The following SLCO3A1 variants were observed in gnomAD, a reference collection of about 807,000 sequenced individuals.
The protein encoded by SLCO3A1 is solute carrier organic anion transporter family member 3A1.
A neutral mutation model predicts 63.1 loss-of-function variants in SLCO3A1; 27 were observed. That is an observed-to-expected ratio of 0.43 (90% CI 0.32 to 0.59). The LOEUF (loss-of-function observed/expected upper bound fraction) is 0.59, where lower values mean the gene tolerates loss of function less well. Ranked by LOEUF, SLCO3A1 falls within the 20% of genes least tolerant of loss-of-function variation. The pLI, the probability that SLCO3A1 is intolerant of heterozygous loss-of-function variation, is 0.09. For synonymous variants in SLCO3A1, 473 were observed against 409.9 expected, an observed-to-expected ratio of 1.15 and a Z score of -1.86; for missense variants, 773 against 945.8, an observed-to-expected ratio of 0.82 and a Z score of 2.40.
intron 8 of SLCO3A1, among the ~76,000 whole-genome samples, chr15:92,148,544 C>T (rs200069097): frequency 6.9e-6 from 1 of 145,708 alleles, no homozygotes; most frequent in Non-Finnish European, 1.5e-5. Flanking sequence ...TAAAAATTGA[C>T]ACCCAGTGCT....
chr15:92,035,982 C>T (rs2046720841), intron 2 of SLCO3A1, among the ~76,000 whole-genome samples: 1 of 151,562 alleles, frequency 6.6e-6, no homozygotes, highest in African/African-American at 2.4e-5. Flanking sequence ...CCAGATGTGC[C>T]CACGACCTGT....
intron 2 of SLCO3A1, among the ~76,000 whole-genome samples, chr15:91,982,621 T>C (rs74028398): frequency 0.022 from 3,354 of 152,314 alleles, 144 homozygotes; most frequent in African/African-American, 0.076. Flanking sequence ...GCTCCCTCTA[T>C]AGAGTTTCTG....
intron 2 of SLCO3A1, among the ~76,000 whole-genome samples, chr15:92,002,881 G>T (rs1276277743): frequency 6.6e-6 from 1 of 152,140 alleles, no homozygotes. Context: ...GGATCATTTA[G>T]ATTACCATAC....
intron 9 of SLCO3A1, chr15:92,162,110 C>T (rs577050438): frequency 6.9e-6 from 1 of 145,930 alleles, no homozygotes; most frequent in East Asian, 2.1e-4. Flanking sequence ...GGTAAAGTGA[C>T]ACAGTACACA....
In SLCO3A1 at chr15:91,854,392, A is replaced by G. The variant is rs552545628; in HGVS notation, c.180+304A>G. On this transcript the variant is annotated intron_variant, in intron 1 of 9. Transcript: ENST00000318445. This position sits in a 1 kb window ranked among gnomAD's most constrained non-coding sequence, Gnocchi z 6.4. ...GGCGTGAAACTATTCCTCTCCCCCC[A>G]TAAGAGCGGAGCGAGACGGTGAGTT... 28 of 1,048,434 alleles carry G rather than the reference A, an allele frequency of 2.7e-5. No individual in the cohort carries two copies. The highest frequency in any genetic ancestry group is 4.5e-5 in the South Asian group (1 of 21,982). The allele number at this position is 1,048,434 out of a possible 1,614,324, so 64.9% of individuals were successfully genotyped here.
chr15:91,880,166 C>CT (rs1555446413), intron 1 of SLCO3A1, among the ~76,000 whole-genome samples: 5,015 of 131,670 alleles, frequency 0.038, 178 homozygotes, highest in Non-Finnish European at 0.054. Context: ...TCCATCCATC[C>CT]ATCCATCTAT....
At chr15:91,972,716 AC>A (rs1900924939) in intron 2 of SLCO3A1, among the ~76,000 whole-genome samples, 1 of 152,152 alleles carries the variant, frequency 6.6e-6, no homozygotes, top group Non-Finnish European at 1.5e-5. Context: ...CCAGGTCAGG[AC>A]AGAGGCCCAG....
intron 3 of SLCO3A1, among the ~76,000 whole-genome samples, chr15:92,101,906 C>T (rs889779594): frequency 5.3e-5 from 8 of 152,156 alleles, no homozygotes; most frequent in African/African-American, 1.7e-4. Flanking sequence ...CAGACATACA[C>T]ATACCTACAG....
At chr15:92,138,486 A>C (rs1403777633) in intron 7 of SLCO3A1, among the ~76,000 whole-genome samples, 1 of 118,752 alleles carries the variant, frequency 8.4e-6, no homozygotes, top group Non-Finnish European at 1.6e-5. Flanking sequence ...CTGAACTTTA[A>C]AGTAGTTTTT....
rs924421517 is a variant in SLCO3A1, at chr15:92,128,481, A to G, written c.1504A>G (p.Asn502Asp). The change falls in exon 7 of 10, where the codon AAC becomes GAC. Residue 502 changes from asparagine to aspartate, a missense_variant. By Grantham distance (23) the Asn-to-Asp change is conservative (BLOSUM62 1). Around this residue, in one of 3 missense-constraint regions of SLCO3A1, gnomAD observed 565 missense variants for 749.8 expected, o/e 0.75. Transcript: ENST00000318445. ...TYLSACFAGC[N>D]STNLTGCACL... ...CCTGTCTGCCTGCTTTGCTGGCTGC[A>G]ACAGCACGGTAATGGGATGGGGCAG... 2 of 1,613,522 alleles carry G rather than the reference A, an allele frequency of 1.2e-6. No homozygotes were observed. Among genetic ancestry groups the G allele is most frequent in the East Asian group, 4.5e-5 (2 of 44,884 alleles).
chr15:92,090,547 G>A (rs945184266), intron 2 of SLCO3A1, among the ~76,000 whole-genome samples: 11 of 152,158 alleles, frequency 7.2e-5, no homozygotes, highest in Non-Finnish European at 1.3e-4. Context: ...TGCTTGGCTT[G>A]GCAAGCAGCA....
At chr15:92,001,768 G>A (rs2046257368) in intron 2 of SLCO3A1, among the ~76,000 whole-genome samples, 1 of 150,208 alleles carries the variant, frequency 6.7e-6, no homozygotes, top group South Asian at 2.1e-4. Context: ...CTGAGTTCTT[G>A]CACTTTGCCG....
rs939865068 is a variant in SLCO3A1 at position 91,897,836 on chromosome 15, A to G, written c.181-18157A>G. Among the ~76,000 whole-genome samples, 1 of 152,218 alleles carries G rather than the reference A, an allele frequency of 6.6e-6. No individual in the cohort carries two copies. Among genetic ancestry groups the G allele is most frequent in the Non-Finnish European group, 1.5e-5 (1 of 68,030 alleles). On this transcript the variant is annotated intron_variant, in intron 1 of 9. Coordinates refer to ENST00000318445, the MANE Select transcript of SLCO3A1 (RefSeq NM_013272.4). The surrounding 1 kb of genome is among the most constrained non-coding windows in gnomAD (Gnocchi z 4.7). ...GCTCAGGCATCCTGCAATGGATGACATGTGAGCATGAGGATGGGTGCGGGA... is the reference window on the plus strand; with the variant it reads ...GCTCAGGCATCCTGCAATGGATGACGTGTGAGCATGAGGATGGGTGCGGGA...
In SLCO3A1 at chr15:91,875,524, G is replaced by A. The variant is rs576946344; in HGVS notation, c.180+21436G>A. Among the ~76,000 whole-genome samples the A allele has an allele frequency of 6.6e-6, 1 of 152,356 alleles. No individual in the cohort carries two copies. Among genetic ancestry groups the A allele is most frequent in the East Asian group, 1.9e-4 (1 of 5,180 alleles). On this transcript the variant is annotated intron_variant, in intron 1 of 9. Transcript: ENST00000318445. This position sits in a 1 kb window ranked among gnomAD's most constrained non-coding sequence, Gnocchi z 4.5. Reference sequence around the variant, plus strand: ...CCCCCGTCAGTTGGAGATGATTAAAGTACCTGCCACAGAGGGCTCTCCTGA... The same window carrying A: ...CCCCCGTCAGTTGGAGATGATTAAAATACCTGCCACAGAGGGCTCTCCTGA...
At chr15:92,093,312 G>A (rs1236126843) in intron 2 of SLCO3A1, among the ~76,000 whole-genome samples, 2 of 152,160 alleles carry the variant, frequency 1.3e-5, no homozygotes, top group Admixed American at 6.5e-5. Context: ...ATTACGTGGC[G>A]AGAGCCAGAG....
chr15:91,915,484 C>T (rs917997887), intron 1 of SLCO3A1, among the ~76,000 whole-genome samples: 3 of 152,174 alleles, frequency 2.0e-5, no homozygotes, highest in African/African-American at 7.2e-5. Flanking sequence ...TTAGCTTGTG[C>T]ATTTTGCCAC....
At chr15:92,010,273 G>A (rs1169069438) in intron 2 of SLCO3A1, among the ~76,000 whole-genome samples, 1 of 152,114 alleles carries the variant, frequency 6.6e-6, no homozygotes, top group Non-Finnish European at 1.5e-5. Context: ...CTCTTGGAAG[G>A]GGCTCCATTA....
intron 2 of SLCO3A1, among the ~76,000 whole-genome samples, chr15:92,043,628 A>G (rs992798776): frequency 7.9e-5 from 12 of 152,174 alleles, no homozygotes; most frequent in Admixed American, 6.5e-4. Context: ...GTTTTATTTC[A>G]TTTGTATTCC....
At chr15:91,962,227 C>G (rs1030958735) in intron 2 of SLCO3A1, among the ~76,000 whole-genome samples, 1 of 152,132 alleles carries the variant, frequency 6.6e-6, no homozygotes, top group Non-Finnish European at 1.5e-5. Flanking sequence ...CACCTGTAAT[C>G]CCAGCACTTT....
Sources: gnomAD v4.1 joint callset for allele counts (sites outside exome capture counted in the v4.1 genomes callset) on GRCh38, gnomAD v4.1.1 for gene constraint, gnomAD v4.1.1 regional missense constraint, Gnocchi (gnomAD v3.1) non-coding constraint, MANE v1.5 for transcripts, NCBI Gene and HGNC (gene_info 2026-07-23, HGNC 2026-07-21) for gene names.